TMEM117: variants seen among roughly 807,000 people sequenced by gnomAD.
The protein encoded by TMEM117 is transmembrane protein 117.
TMEM117 carries 27 observed loss-of-function variants against 52.4 expected under a neutral mutation model. The ratio of observed to expected loss-of-function variants is 0.51; its 90% confidence interval spans 0.38 to 0.71. TMEM117 has a LOEUF of 0.71. Among genes scored for constraint, TMEM117 ranks in the 30% least tolerant of loss-of-function variants. The pLI is 0.00. For missense variants in TMEM117, 556 were observed against 630.5 expected, an observed-to-expected ratio of 0.88 and a Z score of 1.26; for synonymous variants, 215 against 206.3, an observed-to-expected ratio of 1.04 and a Z score of -0.36.
rs139064847 is a variant in TMEM117 at position 43,982,485 on chromosome 12, T to C, written c.410+38143T>C. ...CCCCCATACTCTTTGTTTTCTAACC[T>C]TTTTTTTTCAAATTAAATGCATTAA... On this transcript the variant is annotated intron_variant, in intron 3 of 7. Coordinates refer to ENST00000266534, the MANE Select transcript of TMEM117 (RefSeq NM_032256.3). 1.4e-3 allele frequency among the ~76,000 whole-genome samples: 211 copies of C among 151,460 alleles called. 3 individuals are homozygous for C. The East Asian group carries it at 0.024, about 17-fold the overall frequency.
chr12:44,388,586 A>T lies in TMEM117; in HGVS notation c.1459A>T (p.Asn487Tyr), dbSNP rs1346560390. The T allele has an allele frequency of 6.2e-7, 1 of 1,613,546 alleles. No homozygotes were observed. The highest frequency in any genetic ancestry group is 1.1e-5 in the South Asian group (1 of 91,074). Residue 487 changes from asparagine (N) to tyrosine (Y), a missense_variant, in exon 8 of 8, where the codon AAC becomes TAC. By Grantham distance (143) the Asn-to-Tyr change is moderately radical. This residue lies in a region of TMEM117 where 206 missense variants were observed against 211.1 expected (regional missense o/e 0.98). Coordinates refer to ENST00000266534, the MANE Select transcript of TMEM117 (RefSeq NM_032256.3). ...VYKSSHLTSE[N>Y]LSSQLNESTS... is the part of the protein sequence containing the mutation. ...CAAGTCTTCCCACCTAACCTCGGAAAACTTGAGCTCACAGTTGAACGAATC... is the reference window on the plus strand; with the variant it reads ...CAAGTCTTCCCACCTAACCTCGGAATACTTGAGCTCACAGTTGAACGAATC...
At chr12:43,875,890 C>CA (rs551836279) in intron 2 of TMEM117, among the ~76,000 whole-genome samples, 53 of 152,138 alleles carry the variant, frequency 3.5e-4, no homozygotes, top group Non-Finnish European at 6.5e-4. Context: ...TATGAGTCCA[C>CA]AAGCTTCATC....
At chr12:44,039,337 A>G (rs1946761639) in intron 3 of TMEM117, among the ~76,000 whole-genome samples, 1 of 150,674 alleles carries the variant, frequency 6.6e-6, no homozygotes, top group Non-Finnish European at 1.5e-5. Flanking sequence ...TAATCACTAT[A>G]CCCTTATAGT....
At chr12:44,136,007 A>G (rs148026935) in intron 3 of TMEM117, among the ~76,000 whole-genome samples, 1,752 of 152,324 alleles carry the variant, frequency 0.012, 22 homozygotes, top group South Asian at 0.052. Context: ...AGGGTAAATT[A>G]ATGAATGCCA....
intron 2 of TMEM117, among the ~76,000 whole-genome samples, chr12:43,882,716 G>T (rs553165419): frequency 6.6e-6 from 1 of 152,252 alleles, no homozygotes; most frequent in South Asian, 2.1e-4. Context: ...GAGTTTAGCT[G>T]TGCATGTATG....
chr12:43,848,267 C>G (rs12308221), intron 2 of TMEM117, among the ~76,000 whole-genome samples: 1,693 of 152,148 alleles, frequency 0.011, 34 homozygotes, highest in African/African-American at 0.038. Flanking sequence ...AGTAGAGAAC[C>G]GGTCTGACCA....
At chr12:44,398,610 A>G in the TMEM117 span, among the ~76,000 whole-genome samples, 1 of 151,846 alleles carries the variant, frequency 6.6e-6, no homozygotes, top group African/African-American at 2.4e-5. Context: ...TGCCCACCCC[A>G]CCCCCACACA....
chr12:43,922,690 A>G (rs1459013385), intron 2 of TMEM117, among the ~76,000 whole-genome samples: 2 of 152,172 alleles, frequency 1.3e-5, no homozygotes, highest in Non-Finnish European at 2.9e-5. Flanking sequence ...CACACAACAT[A>G]GGTAGTTTGC....
chr12:44,286,433 C>T (rs1227831736), intron 5 of TMEM117, among the ~76,000 whole-genome samples: 1 of 151,924 alleles, frequency 6.6e-6, no homozygotes, highest in Admixed American at 6.6e-5. Context: ...TAATTCTGCA[C>T]ATTTTTGCTA....
intron 2 of TMEM117, among the ~76,000 whole-genome samples, chr12:43,853,793 A>C (rs893430120): frequency 6.6e-6 from 1 of 152,162 alleles, no homozygotes; most frequent in South Asian, 2.1e-4. Flanking sequence ...AGGAGAGAGG[A>C]TCATAGTGGG....
intron 3 of TMEM117, among the ~76,000 whole-genome samples, chr12:44,070,216 C>T (rs576180267): frequency 2.6e-5 from 4 of 152,216 alleles, no homozygotes; most frequent in South Asian, 4.1e-4. Flanking sequence ...TCTTTTTTCT[C>T]CACCATCCTC....
intron 6 of TMEM117, among the ~76,000 whole-genome samples, chr12:44,331,930 A>C (rs1951275875): frequency 6.6e-6 from 1 of 152,088 alleles, no homozygotes. Context: ...CATAGGTTTT[A>C]TCTGTGCTGC....
intron 3 of TMEM117, among the ~76,000 whole-genome samples, chr12:44,024,840 A>G (rs972095244): frequency 6.6e-6 from 1 of 152,176 alleles, no homozygotes; most frequent in African/African-American, 2.4e-5. Flanking sequence ...ATGTATATCT[A>G]CATATATATT....
At chr12:43,945,142 G>A (rs1161905651) in intron 3 of TMEM117, among the ~76,000 whole-genome samples, 1 of 35,502 alleles carries the variant, frequency 2.8e-5, no homozygotes, top group Non-Finnish European at 1.1e-4. Flanking sequence ...AATAAATAAA[G>A]TGGGCCACCC....
At chr12:44,146,470 A>G (rs1480878840) in intron 4 of TMEM117, among the ~76,000 whole-genome samples, 3 of 152,174 alleles carry the variant, frequency 2.0e-5, no homozygotes, top group Non-Finnish European at 2.9e-5. Context: ...GAGAATCCAA[A>G]GTCTCTTTAT....
rs536070130 is a variant in TMEM117, at chr12:44,100,581, A to G, written c.411-42944A>G. Among the ~76,000 whole-genome samples the G allele has an allele frequency of 2.0e-5, 3 of 152,146 alleles. No homozygotes were observed. In the East Asian group the frequency reaches 5.8e-4, roughly 29 times the overall value. The stretch of plus-strand genomic sequence containing the variant: ...TATAATGCTTGATGATACTTTGCTC[A>G]TATTGTGCTTATTCTCTTTTGTCTG... On this transcript the variant is annotated intron_variant, in intron 3 of 7. Coordinates refer to ENST00000266534, the MANE Select transcript of TMEM117 (RefSeq NM_032256.3).
At chr12:44,262,408 T>G (rs1299129789) in intron 5 of TMEM117, among the ~76,000 whole-genome samples, 1 of 152,236 alleles carries the variant, frequency 6.6e-6, no homozygotes, top group Non-Finnish European at 1.5e-5. Context: ...GTGGTTATTC[T>G]GGTAGAACCA....
chr12:44,119,090 A>C (rs1948192102), intron 3 of TMEM117, among the ~76,000 whole-genome samples: 1 of 152,200 alleles, frequency 6.6e-6, no homozygotes, highest in Non-Finnish European at 1.5e-5. Context: ...AATTATTTTT[A>C]CTTATGCTCC....
At chr12:43,958,487 A>AAGTG (rs1440956681) in intron 3 of TMEM117, among the ~76,000 whole-genome samples, 2 of 152,190 alleles carry the variant, frequency 1.3e-5, no homozygotes, top group African/African-American at 4.8e-5. Flanking sequence ...AAATAAGACA[A>AAGTG]AGTGATACAG....
Sources: gnomAD v4.1 joint callset for allele counts (sites outside exome capture counted in the v4.1 genomes callset) on GRCh38, gnomAD v4.1.1 for gene constraint, gnomAD v4.1.1 regional missense constraint, MANE v1.5 for transcripts, NCBI Gene and HGNC (gene_info 2026-07-23, HGNC 2026-07-21) for gene names.